Variants in BCL2L1 observed in about 807,000 individuals in gnomAD.
BCL2L1 encodes the protein bcl-2-like protein 1.
Under a neutral mutation model 18.7 loss-of-function variants are expected in BCL2L1, and 1 was observed. The ratio of observed to expected loss-of-function variants is 0.05; its 90% CI spans 0.02 to 0.25. The LOEUF (loss-of-function observed/expected upper bound fraction) is 0.25. BCL2L1 is among the 10% of genes least tolerant of loss of function. The probability of loss-of-function intolerance (pLI) is 1.00; values close to 1 mark genes in which losing one functional copy is unlikely to be tolerated. For synonymous variants in BCL2L1, 103 were observed against 122.7 expected, an observed-to-expected ratio of 0.84 and a Z score of 1.06; for missense variants, 207 against 304.9, an observed-to-expected ratio of 0.68 and a Z score of 2.39.
chr20:31,673,561 G>A (rs1166923911), intron 2 of BCL2L1, among the ~76,000 whole-genome samples: 1 of 152,036 alleles, frequency 6.6e-6, no homozygotes, highest in Non-Finnish European at 1.5e-5. Context: ...ATGCTGAGGA[G>A]GATCTTTGAG....
intron 2 of BCL2L1, among the ~76,000 whole-genome samples, chr20:31,709,324 T>C (rs759150101): frequency 1.3e-5 from 2 of 152,138 alleles, no homozygotes; most frequent in Non-Finnish European, 2.9e-5. Context: ...CTCGTGTGTG[T>C]GTGTGCGCGC....
intron 2 of BCL2L1, among the ~76,000 whole-genome samples, chr20:31,694,243 T>C (rs1427163586): frequency 1.3e-5 from 2 of 152,080 alleles, no homozygotes; most frequent in Non-Finnish European, 2.9e-5. Context: ...GGTGGTGGGC[T>C]TCTGTCAGAG....
At chr20:31,698,855 T>C (rs1248861804) in intron 2 of BCL2L1, among the ~76,000 whole-genome samples, 1 of 152,156 alleles carries the variant, frequency 6.6e-6, no homozygotes, top group African/African-American at 2.4e-5. Context: ...TGCTTTTCAA[T>C]TAGTGAGTCA....
chr20:31,665,736 T>A lies in BCL2L1; in HGVS notation c.*213A>T. ...GATTTTGTGGAAATTTTGTGAATTC[T>A]GAGGCCAAGGGAACTGAGGTGTGGG... On this transcript the variant is annotated 3_prime_UTR_variant, in exon 3 of 3. Transcript: ENST00000307677. The A allele has an allele frequency of 1.5e-6, 1 of 651,968 alleles. No homozygotes were observed. The highest frequency in any genetic ancestry group is 2.1e-5 in the South Asian group (1 of 47,646). The allele number at this position is 651,968 out of a possible 1,614,324, so 40.4% of individuals were successfully genotyped here. A position where few individuals can be genotyped will look rare whatever the true frequency, so the allele number is the denominator to read the frequency against.
intron 2 of BCL2L1, among the ~76,000 whole-genome samples, chr20:31,681,926 G>A (rs2060870326): frequency 6.6e-6 from 1 of 152,268 alleles, no homozygotes; most frequent in Admixed American, 6.5e-5. Flanking sequence ...GACAGAGACA[G>A]TGCAGCAAAG....
intron 2 of BCL2L1, among the ~76,000 whole-genome samples, chr20:31,667,734 C>A (rs1164555306): frequency 6.6e-6 from 1 of 152,132 alleles, no homozygotes; most frequent in Non-Finnish European, 1.5e-5. Flanking sequence ...ATGCTCCACA[C>A]AGAGCTTTCT....
intron 2 of BCL2L1, among the ~76,000 whole-genome samples, chr20:31,697,093 G>GT (rs1490531092): frequency 6.6e-6 from 1 of 150,754 alleles, no homozygotes; most frequent in South Asian, 2.1e-4. Flanking sequence ...ATGATGGCAT[G>GT]TGCCTATATT....
intron 2 of BCL2L1, among the ~76,000 whole-genome samples, chr20:31,667,786 G>A (rs1487399318): frequency 1.3e-5 from 2 of 152,128 alleles, no homozygotes; most frequent in Non-Finnish European, 2.9e-5. Context: ...CCTGCACTTA[G>A]AAGGGCAGCA....
chr20:31,692,924 TAGTC>T (rs986576654), intron 2 of BCL2L1, among the ~76,000 whole-genome samples: 3 of 147,858 alleles, frequency 2.0e-5, no homozygotes, highest in East Asian at 2.0e-4. Flanking sequence ...AAAAAAAAAT[TAGTC>T]AGGTGTGGTG....
At chr20:31,689,741 C>T (rs1349189778) in intron 2 of BCL2L1, among the ~76,000 whole-genome samples, 2 of 152,088 alleles carry the variant, frequency 1.3e-5, no homozygotes, top group Non-Finnish European at 2.9e-5. Flanking sequence ...TTCTGCCAGG[C>T]GCGGTGGCGC....
intron 2 of BCL2L1, among the ~76,000 whole-genome samples, chr20:31,715,726 T>A (rs2061523598): frequency 6.6e-6 from 1 of 152,214 alleles, no homozygotes; most frequent in Non-Finnish European, 1.5e-5. Flanking sequence ...TCTGAAAAGC[T>A]GTCCTTTTGT....
chr20:31,685,737 T>C (rs982710200), intron 2 of BCL2L1, among the ~76,000 whole-genome samples: 1 of 152,186 alleles, frequency 6.6e-6, no homozygotes, highest in Non-Finnish European at 1.5e-5. Flanking sequence ...GGCCCTTTTT[T>C]TTTCCCCTCA....
intron 2 of BCL2L1, among the ~76,000 whole-genome samples, chr20:31,670,106 T>A (rs540939433): frequency 3.5e-4 from 53 of 152,120 alleles, no homozygotes; most frequent in Non-Finnish European, 5.1e-4. Flanking sequence ...AAGGATGGAT[T>A]TCCAGGAGAA....
intron 2 of BCL2L1, chr20:31,713,627 C>G: frequency 1.0e-6 from 1 of 975,086 alleles, no homozygotes; most frequent in South Asian, 4.8e-5. Context: ...AACCAAATAG[C>G]AGACGGTCCC....
At position 31,688,731 on chromosome 20, in the gene BCL2L1, A is replaced by C. The variant is rs577417118; in HGVS notation, c.565-22645T>G. 4.6e-5 allele frequency among the ~76,000 whole-genome samples: 7 copies of C among 152,312 alleles called. No homozygotes were observed. In the South Asian group the frequency reaches 1.4e-3, roughly 32 times the overall value. On this transcript the variant is annotated intron_variant, in intron 2 of 2. Transcript: ENST00000307677. Reference sequence around the variant, plus strand: ...GACAAATATACAGGGCTATTCATTGAGTGTCACTATTATAACTGCAAAAGA... The same window carrying C: ...GACAAATATACAGGGCTATTCATTGCGTGTCACTATTATAACTGCAAAAGA...
intron 2 of BCL2L1, among the ~76,000 whole-genome samples, chr20:31,682,663 C>T (rs767419984): frequency 1.4e-4 from 21 of 152,090 alleles, no homozygotes; most frequent in Non-Finnish European, 2.4e-4. Flanking sequence ...CTATGTTGCC[C>T]AGTCTGGTCC....
intron 2 of BCL2L1, among the ~76,000 whole-genome samples, chr20:31,712,609 T>C (rs779347459): frequency 3.3e-5 from 5 of 152,220 alleles, no homozygotes; most frequent in Non-Finnish European, 7.3e-5. Context: ...GGCAAGTTTT[T>C]AGCCTCGAAG....
In BCL2L1 at chr20:31,722,324, T is replaced by C; in HGVS notation, c.-106A>G. On this transcript the variant is annotated 5_prime_UTR_variant, in exon 2 of 3. Coordinates refer to ENST00000307677, the MANE Select transcript of BCL2L1 (RefSeq NM_138578.3). Reference sequence around the variant, plus strand: ...TCTCTTCTAAGATCCAAAGCCAAGATAAGATTCTGAAGGGAGAGAAAGAGC... The same window carrying C: ...TCTCTTCTAAGATCCAAAGCCAAGACAAGATTCTGAAGGGAGAGAAAGAGC... 1 of 865,518 alleles carries C rather than the reference T, an allele frequency of 1.2e-6. No individual in the cohort carries two copies. The highest frequency in any genetic ancestry group is 1.6e-6 in the Non-Finnish European group (1 of 615,240). 53.6% of individuals were successfully genotyped at this position (865,518 alleles called of 1,614,324 possible). A position where few individuals can be genotyped will look rare whatever the true frequency, so the allele number is the denominator to read the frequency against.
intron 2 of BCL2L1, among the ~76,000 whole-genome samples, chr20:31,700,587 G>A (rs748920802): frequency 6.6e-5 from 10 of 152,150 alleles, no homozygotes; most frequent in Non-Finnish European, 1.5e-4. Context: ...TTGAGAGTTG[G>A]TCTCAGCCTG....
Sources: allele counts gnomAD v4.1 joint callset (sites outside exome capture counted in the v4.1 genomes callset), GRCh38; gene constraint gnomAD v4.1.1; transcripts MANE v1.5; gene names NCBI Gene and HGNC (gene_info 2026-07-23, HGNC 2026-07-21).